Variants in TRHDE observed in about 807,000 individuals in gnomAD.
TRHDE encodes thyrotropin-releasing hormone-degrading ectoenzyme.
In TRHDE, 72 loss-of-function variants were observed where a neutral mutation model predicts 125.7. That is an observed-to-expected ratio of 0.57 (90% CI 0.47 to 0.70). TRHDE has a LOEUF of 0.70. TRHDE is among the 30% of genes least tolerant of loss of function. TRHDE has a pLI of 0.00. For missense variants in TRHDE, 1,110 were observed against 1,327.1 expected (o/e 0.84, Z 2.54); for synonymous variants, 509 against 509.1 (o/e 1.00, Z 0.00).
At chr12:72,528,569 A>G (rs182315217) in intron 6 of TRHDE, among the ~76,000 whole-genome samples, 5 of 152,144 alleles carry the variant, frequency 3.3e-5, no homozygotes, top group African/African-American at 1.2e-4. Flanking sequence ...GCTCACTGCA[A>G]CCTCCACCTG....
chr12:72,191,165 C>T (rs944748643), intron 2 of TRHDE, among the ~76,000 whole-genome samples: 1 of 152,206 alleles, frequency 6.6e-6, no homozygotes, highest in African/African-American at 2.4e-5. Context: ...CACTTACAGA[C>T]AAAAACCTTT....
chr12:72,415,540 C>T (rs1475960067), intron 3 of TRHDE, among the ~76,000 whole-genome samples: 1 of 151,928 alleles, frequency 6.6e-6, no homozygotes, highest in Non-Finnish European at 1.5e-5. Context: ...CTCCCCCTCC[C>T]CACTACCCTT....
At chr12:72,570,578 CAAAAAAAAAAAAA>C (rs572094533) in intron 10 of TRHDE, among the ~76,000 whole-genome samples, 1 of 58,456 alleles carries the variant, frequency 1.7e-5, no homozygotes, top group South Asian at 7.9e-4. Context: ...GAGACTGTCT[CAAAAAAAAAAAAA>C]AAAAAAAAAA....
Position 72,111,819 on chromosome 12 carries a change from T to C in TRHDE, n.279+6067T>C, listed in dbSNP as rs186895330. Among the ~76,000 whole-genome samples, 495 of 152,250 alleles carry C rather than the reference T, an allele frequency of 3.3e-3. 1 individual carries two copies. Among genetic ancestry groups the C allele is most frequent in the Admixed American group, 8.2e-3 (126 of 15,278 alleles). On this transcript the variant is annotated intron_variant and non_coding_transcript_variant, in intron 2 of 4. Transcript: ENST00000548156. ...ACTTAGCCGGCATCTTTCATTCAGATGGGTCCCCTGGTTCTTAAACAATTT... is the reference window on the plus strand; with the variant it reads ...ACTTAGCCGGCATCTTTCATTCAGACGGGTCCCCTGGTTCTTAAACAATTT...
At chr12:72,564,272 C>T (rs1192305582) in intron 9 of TRHDE, among the ~76,000 whole-genome samples, 1 of 152,130 alleles carries the variant, frequency 6.6e-6, no homozygotes, top group African/African-American at 2.4e-5. Flanking sequence ...GCCTGGATTT[C>T]CCACATCTGC....
At chr12:72,252,743 A>G (rs1323011132) in intron 2 of TRHDE, among the ~76,000 whole-genome samples, 1 of 152,052 alleles carries the variant, frequency 6.6e-6, no homozygotes, top group Non-Finnish European at 1.5e-5. Flanking sequence ...CATTTTTACT[A>G]TGTTGAGTCT....
At chr12:72,373,459 G>T (rs1449052172) in intron 2 of TRHDE, among the ~76,000 whole-genome samples, 1 of 152,140 alleles carries the variant, frequency 6.6e-6, no homozygotes, top group Non-Finnish European at 1.5e-5. Context: ...GGGCATCCCT[G>T]TCTTGAAAAA....
At chr12:72,620,003 G>A (rs895809025) in intron 13 of TRHDE, among the ~76,000 whole-genome samples, 14 of 151,516 alleles carry the variant, frequency 9.2e-5, no homozygotes, top group South Asian at 4.2e-4. Context: ...GAATAATTAC[G>A]TTCATTGTTA....
chr12:72,425,904 G>C (rs1874163469), intron 3 of TRHDE, among the ~76,000 whole-genome samples: 1 of 151,610 alleles, frequency 6.6e-6, no homozygotes, highest in African/African-American at 2.4e-5. Flanking sequence ...AGAAGCTCTA[G>C]AACTATTGGA....
rs1555206287 is a variant in TRHDE at position 72,663,249 on chromosome 12, C to A, written c.*54C>A. ...ACTCAGAAGTTTATGAGAAGACACG[C>A]TTTTTGTGGAATGAGGAAAATGTAC... On this transcript the variant is annotated 3_prime_UTR_variant, in exon 19 of 19. Coordinates refer to ENST00000261180, the MANE Select transcript of TRHDE (RefSeq NM_013381.3). The A allele has an allele frequency of 7.0e-7, 1 of 1,424,892 alleles. No individual in the cohort carries two copies. The allele number at this position is 1,424,892 out of a possible 1,614,324, so 88.3% of individuals were successfully genotyped here.
At chr12:72,218,711 A>G (rs934309251) in intron 2 of TRHDE, among the ~76,000 whole-genome samples, 1 of 152,004 alleles carries the variant, frequency 6.6e-6, no homozygotes, top group Admixed American at 6.6e-5. Context: ...CATAACTCTA[A>G]TTCATCTCTG....
chr12:72,347,892 G>T (rs1214656375), intron 2 of TRHDE, among the ~76,000 whole-genome samples: 1 of 151,906 alleles, frequency 6.6e-6, no homozygotes, highest in Non-Finnish European at 1.5e-5. Context: ...ATATTACCAG[G>T]CTCAGGTGAC....
At chr12:72,621,946 C>T (rs1008633660) in intron 15 of TRHDE, among the ~76,000 whole-genome samples, 195 bp downstream of exon 15, 7 of 152,090 alleles carry the variant, frequency 4.6e-5, no homozygotes, top group African/African-American at 9.7e-5. Context: ...TGAAATGTTT[C>T]ATTGACTTTA....
chr12:72,408,824 C>G (rs1487528140), intron 3 of TRHDE, among the ~76,000 whole-genome samples: 3 of 151,872 alleles, frequency 2.0e-5, no homozygotes, highest in Non-Finnish European at 4.4e-5. Context: ...CAGAATGTAG[C>G]ATGAAGAAGC....
intron 12 of TRHDE, among the ~76,000 whole-genome samples, chr12:72,610,045 C>CT (rs1486082191): frequency 6.6e-6 from 1 of 152,074 alleles, no homozygotes; most frequent in Non-Finnish European, 1.5e-5. Flanking sequence ...AGGCAGTAGT[C>CT]TGTATTTCAA....
chr12:72,410,443 A>G (rs1237519591), intron 3 of TRHDE, among the ~76,000 whole-genome samples: 1 of 152,138 alleles, frequency 6.6e-6, no homozygotes, highest in Non-Finnish European at 1.5e-5. Context: ...CAGCCATTAT[A>G]AAAGGTAAAA....
At chr12:72,292,605 A>G (rs1248451980) in intron 2 of TRHDE, among the ~76,000 whole-genome samples, 2 of 152,180 alleles carry the variant, frequency 1.3e-5, no homozygotes, top group South Asian at 2.1e-4. Flanking sequence ...ACTTTTGTCT[A>G]CTACATAACA....
chr12:72,473,207 T>G (rs1034644658), intron 5 of TRHDE, 27 bp downstream of exon 5: 8 of 1,582,920 alleles, frequency 5.1e-6, no homozygotes, highest in Non-Finnish European at 6.9e-6. Flanking sequence ...TATTTGAAAC[T>G]TTTAGTAAAA....
At chr12:72,206,489 C>T (rs1263214162) in intron 2 of TRHDE, among the ~76,000 whole-genome samples, 1 of 152,130 alleles carries the variant, frequency 6.6e-6, no homozygotes, top group Non-Finnish European at 1.5e-5. Flanking sequence ...TTTGTAGTAA[C>T]CTCATAGTGC....
Sources: gnomAD v4.1 joint callset for allele counts (sites outside exome capture counted in the v4.1 genomes callset) on GRCh38, gnomAD v4.1.1 for gene constraint, MANE v1.5 for transcripts, NCBI Gene and HGNC (gene_info 2026-07-23, HGNC 2026-07-21) for gene names.